CACNA2D1: variants seen among roughly 807,000 people sequenced by gnomAD.
The protein encoded by CACNA2D1 is voltage-dependent calcium channel subunit alpha-2/delta-1.
CACNA2D1 carries 53 observed loss-of-function variants against 171.5 expected under a neutral mutation model. The observed-to-expected ratio is 0.31, with a 90% confidence interval of 0.25 to 0.39. The LOEUF (loss-of-function observed/expected upper bound fraction) is 0.39. Among genes scored for constraint, CACNA2D1 ranks in the 10% least tolerant of loss-of-function variants. CACNA2D1 has a pLI of 1.00. For missense variants in CACNA2D1, 903 were observed against 1,299.8 expected, an observed-to-expected ratio of 0.69 and a Z score of 4.69; for synonymous variants, 442 against 443.1, an observed-to-expected ratio of 1.00 and a Z score of 0.03.
intron 3 of CACNA2D1, among the ~76,000 whole-genome samples, chr7:82,313,049 G>T (rs865808419): frequency 1.3e-5 from 2 of 152,122 alleles, no homozygotes; most frequent in Admixed American, 6.6e-5. Context: ...GCAATGCAAC[G>T]TCCTAGAATA....
chr7:82,029,857 T>A (rs1026981907), intron 12 of CACNA2D1: 3 of 151,850 alleles, frequency 2.0e-5, no homozygotes, highest in African/African-American at 7.2e-5. Context: ...TTAATTTTTA[T>A]GTTAGAGACA....
chr7:82,424,756 T>G (rs1388101094), intron 1 of CACNA2D1, among the ~76,000 whole-genome samples: 1 of 152,228 alleles, frequency 6.6e-6, no homozygotes, highest in African/African-American at 2.4e-5. Context: ...AATGAGCTAC[T>G]GGAGTTTACT....
chr7:82,086,416 TTG>T (rs1232957853), intron 6 of CACNA2D1, among the ~76,000 whole-genome samples: 1 of 151,992 alleles, frequency 6.6e-6, no homozygotes, highest in Non-Finnish European at 1.5e-5. Context: ...AAAAGATCAG[TTG>T]TGTGTGTGTG....
At chr7:82,380,279 A>T (rs1260873940) in intron 1 of CACNA2D1, among the ~76,000 whole-genome samples, 1 of 152,204 alleles carries the variant, frequency 6.6e-6, no homozygotes, top group East Asian at 1.9e-4. Flanking sequence ...AACATGTACA[A>T]CAACTCAAGC....
chr7:82,009,438 A>C (rs1799491842), intron 15 of CACNA2D1, among the ~76,000 whole-genome samples: 1 of 151,476 alleles, frequency 6.6e-6, no homozygotes, highest in Admixed American at 6.6e-5. Context: ...TCCAATGAAA[A>C]CCTCCCACCT....
At chr7:81,970,858 A>G (rs1795193765) in intron 26 of CACNA2D1, 121 bp from the exon 27 acceptor site, 2 of 713,874 alleles carry the variant, frequency 2.8e-6, no homozygotes, top group Non-Finnish European at 5.2e-6. Context: ...CAATAGATAC[A>G]CAACTATGTT....
intron 3 of CACNA2D1, among the ~76,000 whole-genome samples, chr7:82,171,545 G>A (rs1053581292): frequency 6.6e-6 from 1 of 152,050 alleles, no homozygotes; most frequent in Non-Finnish European, 1.5e-5. Flanking sequence ...TGAGTAATGT[G>A]AAAGCCTGCC....
At chr7:82,115,147 A>G (rs1263929106) in intron 6 of CACNA2D1, among the ~76,000 whole-genome samples, 1 of 152,176 alleles carries the variant, frequency 6.6e-6, no homozygotes, top group East Asian at 1.9e-4. Flanking sequence ...AAATATTTTG[A>G]CTCAAAGCTT....
At chr7:82,295,766 C>T (rs1288787672) in intron 3 of CACNA2D1, among the ~76,000 whole-genome samples, 2 of 151,714 alleles carry the variant, frequency 1.3e-5, no homozygotes, top group Non-Finnish European at 2.9e-5. Flanking sequence ...GATTCTGATA[C>T]CCAAAGGACT....
At chr7:82,326,487 C>T (rs1816663485) in intron 3 of CACNA2D1, among the ~76,000 whole-genome samples, 1 of 152,164 alleles carries the variant, frequency 6.6e-6, no homozygotes, top group African/African-American at 2.4e-5. Flanking sequence ...GTGAAAACAA[C>T]TATATGTACT....
At chr7:82,279,560 C>T (rs576147952) in intron 3 of CACNA2D1, among the ~76,000 whole-genome samples, 1 of 152,248 alleles carries the variant, frequency 6.6e-6, no homozygotes, top group Admixed American at 6.5e-5. Context: ...GACCTCTTCC[C>T]CAAGTTTATA....
chr7:82,170,445 C>A, intron 4 of CACNA2D1, 105 bp downstream of exon 4: 1 of 962,342 alleles, frequency 1.0e-6, no homozygotes, highest in Non-Finnish European at 1.7e-6. Flanking sequence ...TTTAATCCCA[C>A]AACATCATAA....
chr7:82,369,712 GGAA>G (rs1362067426), intron 1 of CACNA2D1, among the ~76,000 whole-genome samples: 1 of 151,888 alleles, frequency 6.6e-6, no homozygotes, highest in African/African-American at 2.4e-5. Context: ...AGTTGTTTTA[GGAA>G]GATATAGATA....
intron 20 of CACNA2D1, among the ~76,000 whole-genome samples, chr7:81,993,495 C>T (rs570666117): frequency 6.6e-6 from 1 of 152,258 alleles, no homozygotes; most frequent in Non-Finnish European, 1.5e-5. Flanking sequence ...GTGAAGGTTA[C>T]TATCACATCT....
At chr7:82,146,429 CATATTT>C (rs1202367495) in intron 4 of CACNA2D1, among the ~76,000 whole-genome samples, 1 of 121,928 alleles carries the variant, frequency 8.2e-6, no homozygotes, top group African/African-American at 2.8e-5. Flanking sequence ...TTTACATATA[CATATTT>C]ATATTTATAT....
chr7:82,271,043 T>C (rs934255537), intron 3 of CACNA2D1, among the ~76,000 whole-genome samples: 14 of 152,114 alleles, frequency 9.2e-5, no homozygotes, highest in Non-Finnish European at 1.8e-4. Context: ...TCTTCCACTC[T>C]ATAAATACAG....
At chr7:82,362,909 T>C (rs531385765) in intron 1 of CACNA2D1, among the ~76,000 whole-genome samples, 1 of 152,318 alleles carries the variant, frequency 6.6e-6, no homozygotes, top group South Asian at 2.1e-4. Context: ...CTTCCTGCAA[T>C]GGGCATTCAT....
chr7:82,055,918 A>G (rs1805805679), intron 10 of CACNA2D1, among the ~76,000 whole-genome samples: 2 of 53,982 alleles, frequency 3.7e-5, no homozygotes, highest in African/African-American at 9.7e-5. Context: ...TATAATAAAT[A>G]TGTGTGTGTG....
intron 38 of CACNA2D1, among the ~76,000 whole-genome samples, chr7:81,950,717 A>C (rs1474789351): frequency 6.6e-6 from 1 of 152,052 alleles, no homozygotes; most frequent in African/African-American, 2.4e-5. Context: ...CAAATGCTTT[A>C]AATTTTTAGT....
Sources: gnomAD v4.1 joint callset for allele counts (sites outside exome capture counted in the v4.1 genomes callset) on GRCh38, gnomAD v4.1.1 for gene constraint, MANE v1.5 for transcripts, NCBI Gene and HGNC (gene_info 2026-07-23, HGNC 2026-07-21) for gene names.